ABCC2: variants seen among roughly 807,000 people sequenced by gnomAD.
ABCC2 encodes the protein ATP-binding cassette sub-family C member 2.
Under a neutral mutation model 173.4 loss-of-function variants are expected in ABCC2, and 157 were observed. That is an observed-to-expected ratio of 0.91 (90% CI 0.80 to 1.03). The LOEUF is 1.03. Ranked by LOEUF, ABCC2 falls within the 50% of genes least tolerant of loss-of-function variation. The pLI, the probability that ABCC2 is intolerant of heterozygous loss-of-function variation, is 0.00. For missense variants in ABCC2, 1,822 were observed against 1,852.3 expected, an observed-to-expected ratio of 0.98 and a Z score of 0.30; for synonymous variants, 657 against 693.5, an observed-to-expected ratio of 0.95 and a Z score of 0.83.
intron 11 of ABCC2, among the ~76,000 whole-genome samples, chr10:99,806,023 G>C (rs1027402859): frequency 2.6e-5 from 4 of 151,338 alleles, no homozygotes; most frequent in African/African-American, 9.7e-5. Context: ...AAATGTCCAT[G>C]CATGATATTT....
Position 99,830,414 on chromosome 10 carries a change from C to T in ABCC2, c.2728C>T (p.Arg910Cys), listed in dbSNP as rs765749316. The change falls in exon 20 of 32, where the codon CGT becomes TGT. Residue 910 changes from arginine to cysteine, a missense_variant. By Grantham distance (180) the Arg-to-Cys change is radical. Coordinates refer to ENST00000647814, the MANE Select transcript of ABCC2 (RefSeq NM_000392.5). Reference sequence around the variant, plus strand: ...AACCATGAGAAGAGAGAACAGCTTTCGTCGAACACTTAGCCGCAGGTTGGC... The same window carrying T: ...AACCATGAGAAGAGAGAACAGCTTTTGTCGAACACTTAGCCGCAGGTTGGC... ...SITMRRENSF[R>C]RTLSRSSRSN... 29 of 1,614,200 alleles carry T rather than the reference C, an allele frequency of 1.8e-5. No homozygotes were observed. The East Asian group carries it at 3.1e-4, about 17-fold the overall frequency.
chr10:99,812,980 C>G (rs766754025), intron 15 of ABCC2, 38 bp from the exon 16 acceptor site: 2 of 1,612,326 alleles, frequency 1.2e-6, no homozygotes, highest in Non-Finnish European at 1.7e-6. Context: ...CAATACCCAA[C>G]CCCTGCTATC....
At chr10:99,797,400 C>A (rs1022970273) in intron 7 of ABCC2, 69 bp downstream of exon 7, 6 of 1,367,546 alleles carry the variant, frequency 4.4e-6, no homozygotes, top group Non-Finnish European at 5.1e-6. Flanking sequence ...AGCATCATGG[C>A]GATTCTGTCC....
At chr10:99,806,937 C>A (rs1040734078) in intron 11 of ABCC2, among the ~76,000 whole-genome samples, 16 of 152,202 alleles carry the variant, frequency 1.1e-4, no homozygotes, top group Non-Finnish European at 2.2e-4. Flanking sequence ...AAAGAGAGAG[C>A]TGGTTTTGAA....
At chr10:99,817,194 A>G (rs1442591256) in intron 16 of ABCC2, 114 bp from the exon 17 acceptor site, 6 of 904,028 alleles carry the variant, frequency 6.6e-6, no homozygotes, top group Non-Finnish European at 1.1e-5. Context: ...ATCCTGATGC[A>G]CAGTTATTTA....
At position 99,804,194 on chromosome 10, in the gene ABCC2, C is replaced by G; in HGVS notation, c.1385C>G (p.Ser462Ter). 1 of 1,614,134 alleles carries G rather than the reference C, an allele frequency of 6.2e-7. No homozygotes were observed. The highest frequency in any genetic ancestry group is 8.5e-7 in the Non-Finnish European group (1 of 1,180,024). Residue 462 changes from serine (S) to a stop codon, truncating the protein, a stop_gained, in exon 10 of 32, where the codon TCA becomes TGA. Transcript: ENST00000647814. LOFTEE classifies it high-confidence loss of function. ...TTCCTATGGAGAGAGTTGGGACCCT[C>G]AGTCTTAGCAGGTGTTGGGGTGATG... ...IFFLWRELGP[S>*]VLAGVGVMVL...
At chr10:99,796,970 G>A (rs1411259086) in intron 6 of ABCC2, 127 bp from the exon 7 acceptor site, 1 of 814,692 alleles carries the variant, frequency 1.2e-6, no homozygotes, top group African/African-American at 1.7e-5. Context: ...AAAGGGCCAG[G>A]AGATGGGGAT....
chr10:99,807,454 A>G lies in ABCC2; in HGVS notation c.1601A>G (p.Lys534Arg). The part of the protein sequence containing the change: ...QVQNLRKKEL[K>R]NLLAFSQLQC... ...CAAAACCTCCGGAAGAAAGAGCTCA[A>G]GAACCTGCTGGCCTTTAGTCAACTA... Residue 534 changes from lysine (K) to arginine (R), a missense_variant, in exon 12 of 32, where the codon AAG becomes AGG. Coordinates refer to ENST00000647814, the MANE Select transcript of ABCC2 (RefSeq NM_000392.5). 6.2e-7 allele frequency: 1 copy of G among 1,614,178 alleles called. No homozygotes were observed. The highest frequency in any genetic ancestry group is 8.5e-7 in the Non-Finnish European group (1 of 1,180,006).
At chr10:99,826,231 C>G (rs1328789087) in intron 19 of ABCC2, among the ~76,000 whole-genome samples, 3 of 152,230 alleles carry the variant, frequency 2.0e-5, no homozygotes, top group Admixed American at 6.5e-5. Context: ...CCTGTTATTG[C>G]TTGAGCCATA....
Position 99,850,748 on chromosome 10 carries a change from C to G in ABCC2, c.4460C>G (p.Thr1487Arg). The part of the protein sequence containing the change: ...TTIQNEFAHC[T>R]VITIAHRLHT... ...ATCCAAAACGAGTTCGCCCACTGCA[C>G]AGTGATCACCATCGCCCACAGGCTG... The change falls in exon 31 of 32, where the codon ACA (threonine) becomes AGA (arginine). Residue 1487 changes from threonine to arginine, a missense_variant. By Grantham distance (71) the Thr-to-Arg change is moderately conservative. Coordinates refer to ENST00000647814, the MANE Select transcript of ABCC2 (RefSeq NM_000392.5). 1 of 1,614,180 alleles carries G rather than the reference C, an allele frequency of 6.2e-7. No individual in the cohort carries two copies. The highest frequency in any genetic ancestry group is 8.5e-7 in the Non-Finnish European group (1 of 1,180,032).
chr10:99,811,481 GCAGA>G, intron 14 of ABCC2, 51 bp from the exon 15 acceptor site: 8 of 1,563,014 alleles, frequency 5.1e-6, no homozygotes, highest in Non-Finnish European at 7.1e-6. Flanking sequence ...ACACGTGAGG[GCAGA>G]CAGTCACGTG....
chr10:99,831,917 T>G (rs2038747340), intron 22 of ABCC2, 60 bp from the exon 23 acceptor site: 1 of 1,613,330 alleles, frequency 6.2e-7, no homozygotes, highest in Admixed American at 1.7e-5. Context: ...CATTATGTCC[T>G]GGGCACAAGT....
chr10:99,798,693 A>G (rs1007257933), intron 7 of ABCC2, among the ~76,000 whole-genome samples: 2 of 152,238 alleles, frequency 1.3e-5, no homozygotes, highest in Admixed American at 6.5e-5. Flanking sequence ...AAAGATATCA[A>G]TCATACTGCA....
At chr10:99,813,322 T>A (rs1179034498) in intron 16 of ABCC2, among the ~76,000 whole-genome samples, 178 bp downstream of exon 16, 1 of 152,172 alleles carries the variant, frequency 6.6e-6, no homozygotes, top group African/African-American at 2.4e-5. Context: ...TTGCTGGGGG[T>A]AAGATTTGGG....
Position 99,817,288 on chromosome 10 carries a change from T to A in ABCC2, c.2095-20T>A, listed in dbSNP as rs764515524. ...TTCTGGAGGTGCAGCTGTAACATGA[T>A]CTGATCCTTTTTCATCTAGGGCACC... On this transcript the variant is annotated intron_variant, in intron 16 of 31. Transcript: ENST00000647814. 1 of 1,613,972 alleles carries A rather than the reference T, an allele frequency of 6.2e-7. No homozygotes were observed. Among genetic ancestry groups the A allele is most frequent in the East Asian group, 2.2e-5 (1 of 44,866 alleles).
At position 99,816,782 on chromosome 10, in the gene ABCC2, T is replaced by C. The variant is rs7920591; in HGVS notation, c.2095-526T>C. Reference sequence around the variant, plus strand: ...GCAGCATTAGATTCTCATAGGACCATGAACCCTATTGTGAACTGCACATGC... The same window carrying C: ...GCAGCATTAGATTCTCATAGGACCACGAACCCTATTGTGAACTGCACATGC... On this transcript the variant is annotated intron_variant, in intron 16 of 31. Transcript: ENST00000647814. 9.3e-3 allele frequency among the ~76,000 whole-genome samples: 1,417 copies of C among 152,268 alleles called. 22 individuals are homozygous for C. The highest frequency in any genetic ancestry group is 0.031 in the African/African-American group (1,287 of 41,560).
chr10:99,797,284 CCT>C lies in ABCC2; in HGVS notation c.821_822del (p.Pro274ArgfsTer19), dbSNP rs1158274146. The C allele has an allele frequency of 2.7e-5, 43 of 1,613,760 alleles. No individual in the cohort carries two copies. Among genetic ancestry groups the C allele is most frequent in the Non-Finnish European group, 3.6e-5 (42 of 1,179,920 alleles). On this transcript the variant is annotated frameshift_variant, in exon 7 of 32. Transcript: ENST00000647814. LOFTEE classifies it high-confidence loss of function. ...SSQQNSGARL[P>X]GLNKNQSQSQ... ...CCAGCAGAACTCTGGAGCCAGGCTG[CCT>C]GGCTTGAACAAGAATCAGAGTCAAA...
At position 99,782,901 on chromosome 10, in the gene ABCC2, T is replaced by C. The variant is rs759099932; in HGVS notation, c.33+24T>C. ...GGGTGAGAAATTACATTTATCTTCA[T>C]ATTGACTCTTCTCAGACTCAGAACA... On this transcript the variant is annotated intron_variant, in intron 1 of 31. Transcript: ENST00000647814. The C allele has an allele frequency of 3.7e-6, 6 of 1,612,562 alleles. No homozygotes were observed. The African/African-American group carries it at 4.0e-5, about 11-fold the overall frequency.
chr10:99,849,155 G>A (rs1335460760), intron 30 of ABCC2, among the ~76,000 whole-genome samples: 1 of 152,134 alleles, frequency 6.6e-6, no homozygotes, highest in Non-Finnish European at 1.5e-5. Flanking sequence ...GCTTGAACCC[G>A]GGTGGCGGAG....
Sources: gnomAD v4.1 joint callset for allele counts (sites outside exome capture counted in the v4.1 genomes callset) on GRCh38, gnomAD v4.1.1 for gene constraint, MANE v1.5 for transcripts, NCBI Gene and HGNC (gene_info 2026-07-23, HGNC 2026-07-21) for gene names.